HDAC4: variants seen among roughly 807,000 people sequenced by gnomAD.
HDAC4 encodes histone deacetylase 4.
A neutral mutation model predicts 135.1 loss-of-function variants in HDAC4; 16 were observed. The ratio of observed to expected loss-of-function variants is 0.12; its 90% CI spans 0.08 to 0.18. The LOEUF (loss-of-function observed/expected upper bound fraction) is 0.18. HDAC4 is among the 10% of genes least tolerant of loss of function. The probability of loss-of-function intolerance (pLI) is 1.00; values close to 1 mark genes in which losing one functional copy is unlikely to be tolerated. For missense variants in HDAC4, 1,143 were observed against 1,511.8 expected (o/e 0.76, Z 4.05); for synonymous variants, 685 against 653.4 (o/e 1.05, Z -0.74).
rs1462536057 is a variant in HDAC4, at chr2:239,308,321, G to A, written c.22+44357C>T. Among the ~76,000 whole-genome samples, 3 of 152,116 alleles carry A rather than the reference G, an allele frequency of 2.0e-5. No individual in the cohort carries two copies. Among genetic ancestry groups the A allele is most frequent in the African/African-American group, 4.8e-5 (2 of 41,422 alleles). On this transcript the variant is annotated intron_variant, in intron 2 of 26. Transcript: ENST00000543185. The surrounding 1 kb of genome is among the most constrained non-coding windows in gnomAD (Gnocchi z 4.2). ...CATCAAGCTGGCCCCCTGGTGACAC[G>A]GGACAAGAGGATAACCTGCTTGGTA...
chr2:239,069,971 C>T (rs765433888), intron 22 of HDAC4, among the ~76,000 whole-genome samples: 3 of 152,182 alleles, frequency 2.0e-5, no homozygotes, highest in South Asian at 2.1e-4. Context: ...TCCTTGGCCC[C>T]GTGCCCACCC....
intron 2 of HDAC4, among the ~76,000 whole-genome samples, chr2:239,325,535 C>A (rs78003096): frequency 0.02 from 2,975 of 152,304 alleles, 95 homozygotes; most frequent in African/African-American, 0.068. Flanking sequence ...TTCACACTCA[C>A]TAGGATGACT....
In HDAC4 at chr2:239,240,163, G is replaced by A. The variant is rs1459325922; in HGVS notation, c.23-3499C>T. ...GGTGGAACACAATCCTGGGGGTAAA[G>A]CAGTGGCGGTGAGTGCACTTTGCAG... On this transcript the variant is annotated intron_variant, in intron 2 of 26. Transcript: ENST00000543185. This position sits in a 1 kb window ranked among gnomAD's most constrained non-coding sequence, Gnocchi z 4.5. Among the ~76,000 whole-genome samples the A allele has an allele frequency of 6.6e-6, 1 of 152,266 alleles. No homozygotes were observed. Among genetic ancestry groups the A allele is most frequent in the Non-Finnish European group, 1.5e-5 (1 of 68,042 alleles).
intron 12 of HDAC4, among the ~76,000 whole-genome samples, chr2:239,120,434 AATAG>A (rs753556298): frequency 1.7e-5 from 2 of 114,686 alleles, no homozygotes; most frequent in Admixed American, 9.5e-5. Flanking sequence ...CAGATGCACA[AATAG>A]ACAGACATGC....
In HDAC4 at chr2:239,390,273, T is replaced by C. The variant is rs571234779; in HGVS notation, c.-220+10705A>G. ...CCAGCCAGGTACAGTACCTCACGCT[T>C]GTAATCCCAGCACTTTGGTAAGCCG... is the stretch of plus-strand genomic sequence containing the variant. On this transcript the variant is annotated intron_variant, in intron 1 of 26. Transcript: ENST00000543185. 3.9e-5 allele frequency among the ~76,000 whole-genome samples: 6 copies of C among 152,288 alleles called. No homozygotes were observed. In the South Asian group the frequency reaches 1.2e-3, roughly 32 times the overall value.
chr2:239,117,314 A>G (rs2039225498), intron 12 of HDAC4, among the ~76,000 whole-genome samples: 1 of 152,180 alleles, frequency 6.6e-6, no homozygotes, highest in African/African-American at 2.4e-5. Context: ...AGAGGTTGAA[A>G]GGGTGAGGCC....
chr2:239,354,038 G>A lies in HDAC4; in HGVS notation c.-219-1120C>T, dbSNP rs183131155. 2.9e-3 allele frequency among the ~76,000 whole-genome samples: 449 copies of A among 152,250 alleles called. 1 individual carries two copies. Among genetic ancestry groups the A allele is most frequent in the Non-Finnish European group, 4.7e-3 (319 of 68,020 alleles). ...ATAAAAGCAATACATGCGCATCACA[G>A]GTTAAGTATTTAAAAAGTCATCCAT... On this transcript the variant is annotated intron_variant, in intron 1 of 26. Transcript: ENST00000543185.
At chr2:239,320,342 AT>A (rs1217954497) in intron 2 of HDAC4, among the ~76,000 whole-genome samples, 1 of 147,620 alleles carries the variant, frequency 6.8e-6, no homozygotes, top group Non-Finnish European at 1.5e-5. Context: ...AGATCGCACC[AT>A]TGCACTCCAG....
At chr2:239,074,514 G>C (rs2034534532) in intron 22 of HDAC4, among the ~76,000 whole-genome samples, 1 of 152,266 alleles carries the variant, frequency 6.6e-6, no homozygotes, top group Non-Finnish European at 1.5e-5. Context: ...AACAAAATGG[G>C]AAAGATGAGC....
chr2:239,266,013 C>T (rs2049705303), intron 2 of HDAC4, among the ~76,000 whole-genome samples: 1 of 152,158 alleles, frequency 6.6e-6, no homozygotes, highest in South Asian at 2.1e-4. Flanking sequence ...CCTTGCCCAG[C>T]TCCCCCTCTA....
chr2:239,147,128 G>T (rs1179610981), intron 7 of HDAC4, among the ~76,000 whole-genome samples: 1 of 152,246 alleles, frequency 6.6e-6, no homozygotes, highest in Non-Finnish European at 1.5e-5. Flanking sequence ...TCGGGGAGGG[G>T]ATTGAGCAGC....
rs2052621137 is a variant in HDAC4, at chr2:239,306,935, A to G, written c.22+45743T>C. On this transcript the variant is annotated intron_variant, in intron 2 of 26. Coordinates refer to ENST00000543185, the MANE Select transcript of HDAC4 (RefSeq NM_001378414.1). This position sits in a 1 kb window ranked among gnomAD's most constrained non-coding sequence, Gnocchi z 4.5. Reference sequence around the variant, plus strand: ...CTGAGCCTCCCGTGTGCACCTCCCCAAGGGCGCCTGCACCCTGGGCCCAGG... The same window carrying G: ...CTGAGCCTCCCGTGTGCACCTCCCCGAGGGCGCCTGCACCCTGGGCCCAGG... Among the ~76,000 whole-genome samples the G allele has an allele frequency of 6.6e-6, 1 of 151,730 alleles. No homozygotes were observed. The highest frequency in any genetic ancestry group is 2.1e-4 in the South Asian group (1 of 4,808).
chr2:239,151,981 G>C (rs1182120670), intron 7 of HDAC4, among the ~76,000 whole-genome samples: 3 of 150,774 alleles, frequency 2.0e-5, no homozygotes. Context: ...GTGCTGGCTG[G>C]ACAACAGTTA....
At chr2:239,108,258 G>C (rs903524219) in intron 14 of HDAC4, 75 bp from the exon 15 acceptor site, 1 of 1,527,500 alleles carries the variant, frequency 6.5e-7, no homozygotes, top group African/African-American at 1.4e-5. Context: ...GGCTGCCCCC[G>C]GGTGGTGGCG....
At chr2:239,084,820 G>GCCCATACACCAC in intron 19 of HDAC4, among the ~76,000 whole-genome samples, 1 of 141,280 alleles carries the variant, frequency 7.1e-6, no homozygotes. Flanking sequence ...CCCACAGATA[G>GCCCATACACCAC]AGACACACAC....
chr2:239,348,740 C>T (rs984029817), intron 2 of HDAC4, among the ~76,000 whole-genome samples: 14 of 152,336 alleles, frequency 9.2e-5, no homozygotes, highest in Admixed American at 4.6e-4. Flanking sequence ...CGTAAGGCTC[C>T]AGGGCCTCCT....
At chr2:239,125,583 C>T (rs1429890645) in intron 12 of HDAC4, among the ~76,000 whole-genome samples, 1 of 152,064 alleles carries the variant, frequency 6.6e-6, no homozygotes. Context: ...GCTTTCATCT[C>T]TGGCCGCAGA....
At chr2:239,284,602 G>A (rs559466989) in intron 2 of HDAC4, among the ~76,000 whole-genome samples, 102 of 152,326 alleles carry the variant, frequency 6.7e-4, no homozygotes, top group Admixed American at 2.1e-3. Context: ...GCAGGTGAAA[G>A]GCAAGATGCC....
chr2:239,102,258 G>T (rs1264706236), intron 16 of HDAC4, among the ~76,000 whole-genome samples: 4 of 152,224 alleles, frequency 2.6e-5, no homozygotes, highest in Middle Eastern at 3.2e-3. Flanking sequence ...CCTGTGGAAA[G>T]CCTCTCACCA....
Sources: gnomAD v4.1 joint callset for allele counts (sites outside exome capture counted in the v4.1 genomes callset) on GRCh38, gnomAD v4.1.1 for gene constraint, Gnocchi (gnomAD v3.1) non-coding constraint, MANE v1.5 for transcripts, NCBI Gene and HGNC (gene_info 2026-07-23, HGNC 2026-07-21) for gene names.